Variants in TAB2 observed in about 807,000 individuals in gnomAD.
The protein encoded by TAB2 is TGF-beta-activated kinase 1 and MAP3K7-binding protein 2.
Under a neutral mutation model 65.0 loss-of-function variants are expected in TAB2, and 3 were observed. The observed-to-expected ratio is 0.05, with a 90% CI of 0.02 to 0.12. The LOEUF (loss-of-function observed/expected upper bound fraction) is 0.12. Ranked by LOEUF, TAB2 falls within the 10% of genes least tolerant of loss-of-function variation. The pLI, the probability that TAB2 is intolerant of heterozygous loss-of-function variation, is 1.00. For missense variants in TAB2, 623 were observed against 840.3 expected, an observed-to-expected ratio of 0.74 and a Z score of 3.20; for synonymous variants, 298 against 285.1, an observed-to-expected ratio of 1.05 and a Z score of -0.46.
chr6:149,362,515 C>A (rs1780884785), intron 1 of TAB2, among the ~76,000 whole-genome samples: 1 of 152,176 alleles, frequency 6.6e-6, no homozygotes, highest in Non-Finnish European at 1.5e-5. Context: ...ATGATTCATT[C>A]ACCATCAGGC....
At chr6:149,306,758 G>A (rs1378648416) in intron 1 of TAB2, among the ~76,000 whole-genome samples, 1 of 151,954 alleles carries the variant, frequency 6.6e-6, no homozygotes, top group Non-Finnish European at 1.5e-5. Context: ...TCTCAAAAAA[G>A]AAAACTTGCT....
At chr6:149,395,108 G>A (rs775319647) in intron 3 of TAB2, among the ~76,000 whole-genome samples, 8 of 152,204 alleles carry the variant, frequency 5.3e-5, no homozygotes, top group Admixed American at 2.6e-4. Context: ...CCGTGGTAAC[G>A]TGAGCTCCGC....
intron 1 of TAB2, among the ~76,000 whole-genome samples, chr6:149,303,562 A>C (rs1779007791): frequency 6.6e-6 from 1 of 152,198 alleles, no homozygotes; most frequent in Admixed American, 6.5e-5. Context: ...AATACAGAAG[A>C]GTGGCTTTCT....
In TAB2 at chr6:149,386,706, C is replaced by G. The variant is rs186396233; in HGVS notation, c.1603+7188C>G. Reference sequence around the variant, plus strand: ...TTTCAGCAGTGGAATTGTTGCCATACTGTTTTCCAAAGTGATTTGTATTCT... The same window carrying G: ...TTTCAGCAGTGGAATTGTTGCCATAGTGTTTTCCAAAGTGATTTGTATTCT... On this transcript the variant is annotated intron_variant, in intron 3 of 6. Coordinates refer to ENST00000637181, the MANE Select transcript of TAB2 (RefSeq NM_001292034.3). 1.5e-3 allele frequency among the ~76,000 whole-genome samples: 224 copies of G among 152,248 alleles called. 1 individual carries two copies. The South Asian group carries it at 0.024, about 16-fold the overall frequency.
At chr6:149,381,876 ACTT>A (rs1181349544) in intron 3 of TAB2, among the ~76,000 whole-genome samples, 1 of 151,966 alleles carries the variant, frequency 6.6e-6, no homozygotes, top group African/African-American at 2.4e-5. Context: ...CTGGCCTGTG[ACTT>A]CTTACTTCCC....
upstream of TAB2, chr6:149,218,102 G>T (rs1362242508): frequency 6.6e-6 from 1 of 152,120 alleles, no homozygotes; most frequent in Non-Finnish European, 1.5e-5. Flanking sequence ...TCTTATTTGA[G>T]CAATTTTGGG....
chr6:149,368,733 A>G (rs1781123550), intron 1 of TAB2, among the ~76,000 whole-genome samples: 1 of 151,906 alleles, frequency 6.6e-6, no homozygotes, highest in Non-Finnish European at 1.5e-5. Context: ...TGATGTTGGC[A>G]GTGATTTTAT....
chr6:149,373,110 C>T (rs1781284168), intron 2 of TAB2, among the ~76,000 whole-genome samples: 1 of 152,154 alleles, frequency 6.6e-6, no homozygotes, highest in African/African-American at 2.4e-5. Context: ...CATATCTTTT[C>T]CTTCTGCTGT....
At chr6:149,287,012 G>A (rs1778688390) in intron 1 of TAB2, among the ~76,000 whole-genome samples, 2 of 152,156 alleles carry the variant, frequency 1.3e-5, no homozygotes, top group South Asian at 4.1e-4. Flanking sequence ...AGCTACTCGG[G>A]AGGCTCAGAC....
Position 149,240,368 on chromosome 6 carries a change from A to G in TAB2, c.-121+21592A>G, listed in dbSNP as rs898277437. ...CCGTGGTGGCAGGTTCCTCCAGTCT[A>G]TGAAACAAGGGGGACATTTCTGCAC... On this transcript the variant is annotated intron_variant, in intron 1 of 1. Transcript: ENST00000606202. 1.2e-4 allele frequency among the ~76,000 whole-genome samples: 19 copies of G among 152,170 alleles called. No individual in the cohort carries two copies. In the East Asian group the frequency reaches 3.5e-3, roughly 28 times the overall value.
Position 149,249,861 on chromosome 6 carries a change from C to T in TAB2, c.-121+31085C>T, listed in dbSNP as rs190486031. On this transcript the variant is annotated intron_variant, in intron 1 of 1. Transcript: ENST00000606202. ...AGAGATGGATAGACAACTACTACTA[C>T]TAATAATAAAATTCTAAGTCCTGTA... 3.3e-5 allele frequency among the ~76,000 whole-genome samples: 5 copies of T among 152,204 alleles called. No homozygotes were observed. In the East Asian group the frequency reaches 9.6e-4, roughly 29 times the overall value.
chr6:149,302,287 A>G (rs1298167834), intron 1 of TAB2, among the ~76,000 whole-genome samples: 1 of 152,234 alleles, frequency 6.6e-6, no homozygotes, highest in Non-Finnish European at 1.5e-5. Flanking sequence ...AACAGTGGGT[A>G]ATTCTAGACT....
chr6:149,265,041 A>G (rs1778232620), intron 1 of TAB2, among the ~76,000 whole-genome samples: 1 of 151,988 alleles, frequency 6.6e-6, no homozygotes, highest in African/African-American at 2.4e-5. Context: ...GGATATACTC[A>G]TCTTTAGAAT....
At chr6:149,243,531 C>T (rs9485362) in intron 1 of TAB2, 49,920 of 152,068 alleles carry the variant, frequency 0.33, 8,220 homozygotes, top group Admixed American at 0.4. Context: ...CTTCCCCCAC[C>T]TCCATAACCT....
chr6:149,270,272 AT>A (rs1350497758), intron 1 of TAB2, among the ~76,000 whole-genome samples: 1 of 152,134 alleles, frequency 6.6e-6, no homozygotes, highest in Non-Finnish European at 1.5e-5. Context: ...TCTTCTGCTC[AT>A]TTTTTAACTG....
intron 1 of TAB2, among the ~76,000 whole-genome samples, chr6:149,352,560 T>TC (rs756137786): frequency 9.9e-5 from 15 of 152,204 alleles, no homozygotes; most frequent in Non-Finnish European, 2.2e-4. Context: ...ATCTCTATTT[T>TC]CCTTCCTTAA....
chr6:149,271,714 C>T (rs368200247), intron 1 of TAB2, among the ~76,000 whole-genome samples: 2 of 152,192 alleles, frequency 1.3e-5, no homozygotes, highest in South Asian at 2.1e-4. Context: ...GAAGAGTCTA[C>T]GTAGGGGATC....
At chr6:149,406,410 G>A (rs1782666180) in intron 6 of TAB2, among the ~76,000 whole-genome samples, 1 of 152,176 alleles carries the variant, frequency 6.6e-6, no homozygotes, top group Non-Finnish European at 1.5e-5. Context: ...GGAGGAAAAG[G>A]AGAGGTTGAG....
At chr6:149,231,581 T>C (rs1777405208) in intron 1 of TAB2, among the ~76,000 whole-genome samples, 1 of 152,216 alleles carries the variant, frequency 6.6e-6, no homozygotes, top group African/African-American at 2.4e-5. Flanking sequence ...ATATTGACTG[T>C]CTTGGGAAAA....
Sources: gnomAD v4.1 joint callset for allele counts (sites outside exome capture counted in the v4.1 genomes callset) on GRCh38, gnomAD v4.1.1 for gene constraint, MANE v1.5 for transcripts, NCBI Gene and HGNC (gene_info 2026-07-23, HGNC 2026-07-21) for gene names.